Variants in MDN1 observed in about 807,000 individuals in gnomAD.
MDN1 encodes midasin.
MDN1 carries 266 observed loss-of-function variants against 669.2 expected under a neutral mutation model. The observed-to-expected ratio is 0.40, with a 90% CI of 0.36 to 0.44. The LOEUF is 0.44. Among genes scored for constraint, MDN1 ranks in the 20% least tolerant of loss-of-function variants. The pLI is 1.00. For synonymous variants in MDN1, 2,385 were observed against 2,457.1 expected, an observed-to-expected ratio of 0.97 and a Z score of 0.87; for missense variants, 5,940 against 6,754.0, an observed-to-expected ratio of 0.88 and a Z score of 4.22.
chr6:89,739,702 G>A (rs1375994787), intron 32 of MDN1, among the ~76,000 whole-genome samples: 1 of 152,104 alleles, frequency 6.6e-6, no homozygotes, highest in Non-Finnish European at 1.5e-5. Context: ...CTGAACATAG[G>A]AACTACCCTC....
At chr6:89,798,499 T>C (rs1819734671) in intron 2 of MDN1, among the ~76,000 whole-genome samples, 1 of 150,156 alleles carries the variant, frequency 6.7e-6, no homozygotes, top group Non-Finnish European at 1.5e-5. Context: ...TGAAACTCCA[T>C]CTCAAAAAAA....
rs1289742423 is a variant in MDN1, at chr6:89,761,742, A to G, written c.2363T>C (p.Leu788Pro). The G allele has an allele frequency of 1.2e-6, 2 of 1,600,756 alleles. No individual in the cohort carries two copies. The highest frequency in any genetic ancestry group is 1.7e-6 in the Non-Finnish European group (2 of 1,170,436). ...KDGKDSETGL[L>P]IKEKWEAFGL... ...AAATGCTTCCCATTTCTCTTTTATG[A>G]GTAACCCTAAAAAAGAAAGACAAGA... The change falls in exon 17 of 102, where the codon CTC (leucine) becomes CCC (proline). Residue 788 changes from leucine to proline, a missense_variant. Physicochemically the swap from Leu to Pro is moderately conservative, Grantham distance 98. Around this residue, in one of 5 missense-constraint regions of MDN1, gnomAD observed 1,203 missense variants for 1,268.9 expected, o/e 0.95. Transcript: ENST00000369393.
intron 25 of MDN1, 23 bp from the exon 26 acceptor site, chr6:89,749,392 G>T (rs45451598): frequency 0.035 from 56,025 of 1,608,776 alleles, 1,167 homozygotes; most frequent in Non-Finnish European, 0.042. Context: ...CAGGAAGAAT[G>T]CAGTAAAAGG....
chr6:89,728,113 A>G (rs1424252251), intron 36 of MDN1, among the ~76,000 whole-genome samples, 158 bp from the exon 37 acceptor site: 3 of 152,204 alleles, frequency 2.0e-5, no homozygotes, highest in African/African-American at 4.8e-5. Flanking sequence ...TCTCTTTACC[A>G]GGAGCCCAAA....
At chr6:89,730,973 C>T in intron 34 of MDN1, 50 bp from the exon 35 acceptor site, 1 of 1,522,164 alleles carries the variant, frequency 6.6e-7, no homozygotes, top group Non-Finnish European at 9.0e-7. Context: ...CACCAAGCTT[C>T]ACCACCATTA....
rs1375041034 is a variant in MDN1, at chr6:89,642,637, G to C, written c.*1368C>G. The C allele has an allele frequency of 6.6e-6, 1 of 152,206 alleles. No homozygotes were observed. The highest frequency in any genetic ancestry group is 1.5e-5 in the Non-Finnish European group (1 of 68,040). 9.4% of individuals were successfully genotyped at this position (152,206 alleles called of 1,614,324 possible). A position where few individuals can be genotyped will look rare whatever the true frequency, so the allele number is the denominator to read the frequency against. Reference sequence around the variant, plus strand: ...ATGCAAATGATAACCTTTGTAGTAAGAGCAACATGGAAGTAGGAGGGGATC... The same window carrying C: ...ATGCAAATGATAACCTTTGTAGTAACAGCAACATGGAAGTAGGAGGGGATC... On this transcript the variant is annotated 3_prime_UTR_variant, in exon 102 of 102. Coordinates refer to ENST00000369393, the MANE Select transcript of MDN1 (RefSeq NM_014611.3).
Position 89,678,624 on chromosome 6 carries a change from G to A in MDN1, c.12387C>T (p.Asp4129=). The change falls in exon 75 of 102, where the codon GAC becomes GAT. Residue 4129 remains aspartate (D), a synonymous_variant. Transcript: ENST00000369393. ...CAATTTTTGCAAGGTGTTTAAAGAGGTCTGACAAAGCTCGCTGTTTTTGCA... is the reference window on the plus strand; with the variant it reads ...CAATTTTTGCAAGGTGTTTAAAGAGATCTGACAAAGCTCGCTGTTTTTGCA... ...ILMQKQRALS[D]LFKHLAKIGL... is the part of the protein sequence containing the mutation. 3 of 1,614,132 alleles carry A rather than the reference G, an allele frequency of 1.9e-6. No homozygotes were observed. The highest frequency in any genetic ancestry group is 2.5e-6 in the Non-Finnish European group (3 of 1,180,008).
In MDN1 at chr6:89,781,510, TG is replaced by T; in HGVS notation, c.1531del (p.His511IlefsTer37). On this transcript the variant is annotated frameshift_variant, in exon 10 of 102. Coordinates refer to ENST00000369393, the MANE Select transcript of MDN1 (RefSeq NM_014611.3). LOFTEE classifies it high-confidence loss of function. Reference sequence around the variant, plus strand: ...AACAGAACTATCACTCCAAGAGTGATGTTTCTCTCCAGTAAGTTGGATATAA... The same window carrying T: ...AACAGAACTATCACTCCAAGAGTGATTTTCTCTCCAGTAAGTTGGATATAA... ...DIYIQLTGEK[H>X]HSWSDSSVGC... 1 of 1,613,982 alleles carries T rather than the reference TG, an allele frequency of 6.2e-7. No homozygotes were observed. The highest frequency in any genetic ancestry group is 8.5e-7 in the Non-Finnish European group (1 of 1,179,836).
At chr6:89,688,042 C>T (rs1283731908) in intron 67 of MDN1, 36 bp downstream of exon 67, 1 of 1,553,382 alleles carries the variant, frequency 6.4e-7, no homozygotes, top group Non-Finnish European at 8.9e-7. Flanking sequence ...GCCAACTGAC[C>T]ACCAACTAAA....
chr6:89,785,889 G>A (rs891098615), intron 8 of MDN1, among the ~76,000 whole-genome samples: 8 of 152,032 alleles, frequency 5.3e-5, no homozygotes, highest in Non-Finnish European at 1.0e-4. Flanking sequence ...CATGTCGGTC[G>A]TTGGGAGGCC....
chr6:89,812,982 C>G (rs568690612), intron 1 of MDN1, among the ~76,000 whole-genome samples: 1 of 151,934 alleles, frequency 6.6e-6, no homozygotes, highest in South Asian at 2.1e-4. Flanking sequence ...TTGTTGTTGC[C>G]CAGGCTGGAG....
chr6:89,759,814 G>A (rs901237491), intron 17 of MDN1, among the ~76,000 whole-genome samples: 1 of 151,668 alleles, frequency 6.6e-6, no homozygotes, highest in Non-Finnish European at 1.5e-5. Context: ...GCTCATGCCT[G>A]TAATCGCAGC....
Position 89,698,683 on chromosome 6 carries a change from A to C in MDN1, c.9168+182T>G, listed in dbSNP as rs116883600. On this transcript the variant is annotated intron_variant, in intron 59 of 101. Transcript: ENST00000369393. ...TTTTTGACTTATCTCAAAATTTCAC[A>C]AATTATTTAACATGGTATACTTTTA... 1.8e-3 allele frequency among the ~76,000 whole-genome samples: 269 copies of C among 152,338 alleles called. 2 individuals are homozygous for C. Among genetic ancestry groups the C allele is most frequent in the Non-Finnish European group, 3.2e-3 (218 of 68,038 alleles).
At chr6:89,705,514 A>C (rs1289436660) in intron 53 of MDN1, among the ~76,000 whole-genome samples, 1 of 152,078 alleles carries the variant, frequency 6.6e-6, no homozygotes, top group East Asian at 1.9e-4. Context: ...CAGGTGAGCG[A>C]ATAAAAAAAC....
chr6:89,711,523 C>T (rs1446231485), intron 49 of MDN1, among the ~76,000 whole-genome samples: 1 of 151,962 alleles, frequency 6.6e-6, no homozygotes, highest in Non-Finnish European at 1.5e-5. Context: ...TATAAGGGGC[C>T]TTAGCGTCCA....
At chr6:89,777,072 C>T (rs1467757939) in intron 11 of MDN1, among the ~76,000 whole-genome samples, 3 of 152,126 alleles carry the variant, frequency 2.0e-5, no homozygotes, top group African/African-American at 7.2e-5. Context: ...TTTCTAACTG[C>T]AAGGGAAACA....
chr6:89,688,908 G>T, intron 65 of MDN1, 100 bp from the exon 66 acceptor site: 1 of 960,046 alleles, frequency 1.0e-6, no homozygotes, highest in Non-Finnish European at 1.6e-6. Flanking sequence ...AGTGGCTCAT[G>T]TCTGTAATCC....
At chr6:89,768,732 G>GT (rs1019667955) in intron 15 of MDN1, among the ~76,000 whole-genome samples, 2 of 151,738 alleles carry the variant, frequency 1.3e-5, no homozygotes, top group Non-Finnish European at 2.9e-5. Context: ...GTGAGACCCT[G>GT]TCCCCCCCCA....
Position 89,762,468 on chromosome 6 carries a change from A to G in MDN1, c.2207T>C (p.Phe736Ser). 1 of 1,614,188 alleles carries G rather than the reference A, an allele frequency of 6.2e-7. No individual in the cohort carries two copies. Among genetic ancestry groups the G allele is most frequent in the Non-Finnish European group, 8.5e-7 (1 of 1,180,018 alleles). ...LPLREAFEELFAQTFSKKQNF... is the reference protein window; with the variant it reads ...LPLREAFEELSAQTFSKKQNF... ...TTGTTTCTTGGAAAATGTCTGAGCAAAGAGTTCCTCAAATGCCTCCCGTAA... is the reference window on the plus strand; with the variant it reads ...TTGTTTCTTGGAAAATGTCTGAGCAGAGAGTTCCTCAAATGCCTCCCGTAA... The change falls in exon 16 of 102, where the codon TTT (phenylalanine) becomes TCT (serine). Residue 736 changes from phenylalanine (F) to serine (S), a missense_variant. Around this residue, in one of 5 missense-constraint regions of MDN1, gnomAD observed 1,203 missense variants for 1,268.9 expected, o/e 0.95. Transcript: ENST00000369393.
Sources: allele counts gnomAD v4.1 joint callset (sites outside exome capture counted in the v4.1 genomes callset), GRCh38; gene constraint gnomAD v4.1.1; regional missense constraint gnomAD v4.1.1; transcripts MANE v1.5; gene names NCBI Gene and HGNC (gene_info 2026-07-23, HGNC 2026-07-21).